Variants in EHD4 observed in about 807,000 individuals in gnomAD.
The protein encoded by EHD4 is EH domain containing 4.
EHD4 carries 37 observed loss-of-function variants against 51.0 expected under a neutral mutation model. The observed-to-expected ratio is 0.73, with a 90% confidence interval of 0.56 to 0.95. EHD4 has a LOEUF of 0.95. EHD4 is among the 40% of genes least tolerant of loss of function. The pLI is 0.00. For synonymous variants in EHD4, 297 were observed against 317.3 expected (o/e 0.94, Z 0.68); for missense variants, 632 against 733.1 (o/e 0.86, Z 1.59).
At chr15:41,913,508 C>CT (rs34833430) in intron 4 of EHD4, among the ~76,000 whole-genome samples, 61,168 of 152,022 alleles carry the variant, frequency 0.4, 12,816 homozygotes, top group Middle Eastern at 0.54. Context: ...GGCATGGCAT[C>CT]TCCACCTCAG....
intron 5 of EHD4, among the ~76,000 whole-genome samples, chr15:41,907,786 G>A (rs985032464): frequency 1.3e-5 from 2 of 151,914 alleles, no homozygotes; most frequent in Admixed American, 6.6e-5. Flanking sequence ...GCCTCCCAAA[G>A]TGTAGGGATT....
At position 41,972,387 on chromosome 15, in the gene EHD4, C is replaced by T. The variant is rs776103121; in HGVS notation, c.108G>A (p.Val36=). ...AGCGGTACGCCTCCTCCAGCGGCAG[C>T]ACCTTGCGCAGGTAGAGCGAGCGCA... The part of the protein sequence containing the change: ...GGLRSLYLRK[V]LPLEEAYRFH... The change falls in exon 1 of 6, where the codon GTG becomes GTA. Residue 36 remains valine, a synonymous_variant. Transcript: ENST00000220325. The T allele has an allele frequency of 3.7e-6, 6 of 1,610,814 alleles. No individual in the cohort carries two copies. The Admixed American group carries it at 6.7e-5, about 18-fold the overall frequency.
At chr15:41,908,966 G>T (rs900883860) in intron 5 of EHD4, among the ~76,000 whole-genome samples, 3 of 152,244 alleles carry the variant, frequency 2.0e-5, no homozygotes, top group Non-Finnish European at 4.4e-5. Context: ...AGGGGTCCTT[G>T]CAGCAGATAA....
rs151068126 is a variant in EHD4 at position 41,900,166 on chromosome 15, AT to A, written c.*478del. 1,094 of 156,602 alleles carry A rather than the reference AT, an allele frequency of 7.0e-3. 19 individuals carry two copies. The highest frequency in any genetic ancestry group is 0.025 in the African/African-American group (1,035 of 41,650). 9.7% of individuals were successfully genotyped at this position (156,602 alleles called of 1,614,324 possible). On this transcript the variant is annotated 3_prime_UTR_variant, in exon 6 of 6. Transcript: ENST00000220325. This position sits in a 1 kb window ranked among gnomAD's most constrained non-coding sequence, Gnocchi z 4.8. ...CTGCTCTATTTTTTTGCCACTCTAA[AT>A]ATAGCAGAAAACAAAATAAAATAAA...
At chr15:41,918,076 AG>A (rs2067597232) in intron 4 of EHD4, among the ~76,000 whole-genome samples, 1 of 152,174 alleles carries the variant, frequency 6.6e-6, no homozygotes, top group Non-Finnish European at 1.5e-5. Flanking sequence ...AGCAAGAAGG[AG>A]GAAGAATTGT....
chr15:41,946,421 C>A (rs2067815141), intron 2 of EHD4, among the ~76,000 whole-genome samples: 1 of 152,118 alleles, frequency 6.6e-6, no homozygotes, highest in Non-Finnish European at 1.5e-5. Flanking sequence ...TGCTAGGAGT[C>A]CTGCCACACA....
At chr15:41,919,734 T>C (rs1040852647) in intron 3 of EHD4, 112 bp from the exon 4 acceptor site, 5 of 1,099,210 alleles carry the variant, frequency 4.5e-6, no homozygotes, top group Admixed American at 3.5e-5. Flanking sequence ...GAGCCCTGTC[T>C]CCAACCTGGA....
At chr15:41,968,980 ATT>A (rs1205759583) in intron 1 of EHD4, among the ~76,000 whole-genome samples, 19 of 152,316 alleles carry the variant, frequency 1.2e-4, no homozygotes, top group African/African-American at 4.1e-4. Context: ...TCCTAGCACC[ATT>A]TGTTGAACTA....
At chr15:41,941,701 C>T (rs1274733723) in intron 3 of EHD4, 1 of 151,768 alleles carries the variant, frequency 6.6e-6, no homozygotes, top group Non-Finnish European at 1.5e-5. Context: ...ACAGCAGGCA[C>T]CCTGGGAGGC....
chr15:41,943,013 G>T, intron 3 of EHD4, 54 bp downstream of exon 3: 1 of 1,426,280 alleles, frequency 7.0e-7, no homozygotes. Context: ...TCTGCTCACA[G>T]CAGAGAGGGC....
chr15:41,924,681 G>A (rs552172918), intron 3 of EHD4, among the ~76,000 whole-genome samples: 14 of 152,262 alleles, frequency 9.2e-5, no homozygotes, highest in African/African-American at 2.4e-4. Flanking sequence ...AACAGGGAGC[G>A]TCTCAGGGTG....
At chr15:41,923,913 A>G (rs1305533378) in intron 3 of EHD4, among the ~76,000 whole-genome samples, 1 of 152,142 alleles carries the variant, frequency 6.6e-6, no homozygotes, top group Non-Finnish European at 1.5e-5. Context: ...CCCTTCCTCT[A>G]TGGTCTAGAC....
chr15:41,903,041 T>C (rs1311697547), intron 5 of EHD4, among the ~76,000 whole-genome samples: 1 of 151,838 alleles, frequency 6.6e-6, no homozygotes, highest in African/African-American at 2.4e-5. Flanking sequence ...CCTAGAGCTT[T>C]ACATGACAGG....
intron 1 of EHD4, among the ~76,000 whole-genome samples, chr15:41,965,779 T>C (rs1566828535): frequency 6.6e-6 from 1 of 152,186 alleles, no homozygotes. Context: ...TTAGGGAAGA[T>C]AATGTCAGGA....
intron 1 of EHD4, among the ~76,000 whole-genome samples, chr15:41,970,227 C>A (rs2067986952): frequency 6.6e-6 from 1 of 152,248 alleles, no homozygotes; most frequent in Non-Finnish European, 1.5e-5. Flanking sequence ...CCTCACCAAG[C>A]TTCCTGCCCA....
Position 41,958,783 on chromosome 15 carries a change from A to G in EHD4, c.237-4843T>C, listed in dbSNP as rs533514557. Among the ~76,000 whole-genome samples, 112 of 152,334 alleles carry G rather than the reference A, an allele frequency of 7.4e-4. 1 individual carries two copies. The highest frequency in any genetic ancestry group is 2.4e-3 in the African/African-American group (98 of 41,572). On this transcript the variant is annotated intron_variant, in intron 1 of 5. Coordinates refer to ENST00000220325, the MANE Select transcript of EHD4 (RefSeq NM_139265.4). ...ACTCGTTATGTGCTAAAGTCTTTAC[A>G]TGAATAGTCTCATTTCATCCTAACT...
At chr15:41,927,255 A>G (rs768938208) in intron 3 of EHD4, among the ~76,000 whole-genome samples, 2 of 152,234 alleles carry the variant, frequency 1.3e-5, no homozygotes, top group Non-Finnish European at 2.9e-5. Flanking sequence ...TTCCTCCAAA[A>G]ACTAAAAATG....
In EHD4 at chr15:41,900,528, G is replaced by T; in HGVS notation, c.*117C>A. On this transcript the variant is annotated 3_prime_UTR_variant, in exon 6 of 6. Coordinates refer to ENST00000220325, the MANE Select transcript of EHD4 (RefSeq NM_139265.4). The surrounding 1 kb of genome is among the most constrained non-coding windows in gnomAD (Gnocchi z 4.8). ...TGTCCACCCTCCCCATTCTACAGAT[G>T]GGGAAACCAAGGCACAGAGAGGGCA... is the stretch of plus-strand genomic sequence containing the variant. 9.2e-7 allele frequency: 1 copy of T among 1,085,124 alleles called. No homozygotes were observed. Among genetic ancestry groups the T allele is most frequent in the Non-Finnish European group, 1.3e-6 (1 of 778,478 alleles). The allele number at this position is 1,085,124 out of a possible 1,614,324, so 67.2% of individuals were successfully genotyped here.
chr15:41,896,072 G>C lies in EHD4; in HGVS notation c.*4573C>G, dbSNP rs576850342. The C allele has an allele frequency of 6.6e-6, 1 of 152,280 alleles. No homozygotes were observed. Among genetic ancestry groups the C allele is most frequent in the Non-Finnish European group, 1.5e-5 (1 of 68,050 alleles). 9.4% of individuals were successfully genotyped at this position (152,280 alleles called of 1,614,324 possible). ...CCACTTCAGCCTCCTGCATTGCTGG[G>C]ATTATAGGTGTGAGCCACCATGCCT... On this transcript the variant is annotated 3_prime_UTR_variant, in exon 6 of 6. Coordinates refer to ENST00000220325, the MANE Select transcript of EHD4 (RefSeq NM_139265.4).
Sources: allele counts gnomAD v4.1 joint callset (sites outside exome capture counted in the v4.1 genomes callset), GRCh38; gene constraint gnomAD v4.1.1; non-coding constraint Gnocchi (gnomAD v3.1); transcripts MANE v1.5; gene names NCBI Gene and HGNC (gene_info 2026-07-23, HGNC 2026-07-21).